The following ZNF738 variants were observed in gnomAD, a reference collection of about 807,000 sequenced individuals.
The protein encoded by ZNF738 is zinc finger protein 738.
In ZNF738, 10 loss-of-function variants were observed where a neutral mutation model predicts 9.2. The ratio of observed to expected loss-of-function variants is 1.09; its 90% confidence interval spans 0.67 to 1.85. The LOEUF is 1.85. Among genes scored for constraint, ZNF738 ranks in the 40% most tolerant of loss-of-function variants. ZNF738 has a pLI of 0.00. For synonymous variants in ZNF738, 113 were observed against 94.5 expected (o/e 1.20, Z -1.14); for missense variants, 346 against 283.6 (o/e 1.22, Z -1.58).
intron 2 of ZNF738, among the ~76,000 whole-genome samples, chr19:21,368,450 A>G (rs1209553965): frequency 6.6e-5 from 10 of 151,752 alleles, no homozygotes; most frequent in Admixed American, 1.3e-4. Context: ...TTGTTTTTTG[A>G]GACAAACTCT....
chr19:21,360,259 C>T (rs1973664686), intron 1 of ZNF738, among the ~76,000 whole-genome samples: 1 of 118,816 alleles, frequency 8.4e-6, no homozygotes, highest in African/African-American at 3.4e-5. Flanking sequence ...TATTTTCACA[C>T]TCCACAGGGA....
rs535799356 is a variant in ZNF738, at chr19:21,363,454, A to G, written c.96+1596A>G. Among the ~76,000 whole-genome samples the G allele has an allele frequency of 2.5e-4, 38 of 152,330 alleles. No homozygotes were observed. The South Asian group carries it at 7.9e-3, about 32-fold the overall frequency. On this transcript the variant is annotated intron_variant, in intron 2 of 4. Coordinates refer to ENST00000683779, the MANE Select transcript of ZNF738 (RefSeq NM_001355237.2). ...TGGAAGAAGCCTTTCTGATGAGAGA[A>G]GCTAGAGTCCTGGAAAGCTACAGGC...
intron 2 of ZNF738, among the ~76,000 whole-genome samples, chr19:21,365,809 T>C (rs1332628009): frequency 2.0e-5 from 3 of 151,854 alleles, no homozygotes; most frequent in African/African-American, 4.8e-5. Context: ...TACAAAAAAT[T>C]AGCCAGGCAT....
intron 2 of ZNF738, among the ~76,000 whole-genome samples, chr19:21,362,108 T>TAAC (rs895175143): frequency 1.9e-4 from 5 of 26,212 alleles, no homozygotes; most frequent in African/African-American, 2.5e-4. Context: ...ATAATAATAA[T>TAAC]AATAATAATA....
intron 2 of ZNF738, among the ~76,000 whole-genome samples, chr19:21,362,959 C>T (rs1973719322): frequency 6.6e-6 from 1 of 152,126 alleles, no homozygotes; most frequent in Middle Eastern, 3.2e-3. Flanking sequence ...ATGAAAACAT[C>T]AGTTCCTTTT....
At chr19:21,360,431 A>G (rs372100651) in intron 1 of ZNF738, 7 of 152,430 alleles carry the variant, frequency 4.6e-5, no homozygotes, top group African/African-American at 1.7e-4. Flanking sequence ...AATTCACATT[A>G]TCACGTATTT....
chr19:21,383,504 G>A lies in ZNF738; in HGVS notation c.958G>A (p.Gly320Arg), dbSNP rs1974031961. 1.2e-6 allele frequency: 1 copy of A among 855,858 alleles called. No homozygotes were observed. Among genetic ancestry groups the A allele is most frequent in the South Asian group, 1.3e-5 (1 of 75,966 alleles). The allele number at this position is 855,858 out of a possible 1,614,324, so 53.0% of individuals were successfully genotyped here. A position where few individuals can be genotyped will look rare whatever the true frequency, so the allele number is the denominator to read the frequency against. Residue 320 changes from glycine to arginine, a missense_variant, in exon 5 of 5, where the codon GGA (glycine) becomes AGA (arginine). Transcript: ENST00000683779. Reference sequence around the variant, plus strand: ...TGGAGAGAAACCCTACAAATGTGAAGGATGTGGCAAAGCTTTCTGCCAATT... The same window carrying A: ...TGGAGAGAAACCCTACAAATGTGAAAGATGTGGCAAAGCTTTCTGCCAATT... ...HAGEKPYKCE[G>R]CGKAFCQFSY...
chr19:21,382,600 A>G (rs1974019324), intron 4 of ZNF738, among the ~76,000 whole-genome samples: 1 of 152,180 alleles, frequency 6.6e-6, no homozygotes, highest in Admixed American at 6.5e-5. Flanking sequence ...GGGTAAGTGT[A>G]ACAAACTTTT....
At chr19:21,370,678 T>C (rs553647657) in intron 2 of ZNF738, among the ~76,000 whole-genome samples, 1 of 152,344 alleles carries the variant, frequency 6.6e-6, no homozygotes, top group South Asian at 2.1e-4. Context: ...TCTACTTATA[T>C]TCATGTTGCC....
At chr19:21,374,307 A>G (rs757935757) in intron 2 of ZNF738, among the ~76,000 whole-genome samples, 1 of 152,224 alleles carries the variant, frequency 6.6e-6, no homozygotes, top group Non-Finnish European at 1.5e-5. Flanking sequence ...ACTACTTTAA[A>G]TTGTTATTAA....
intron 2 of ZNF738, among the ~76,000 whole-genome samples, chr19:21,364,911 AATTTTT>A (rs2049678280): frequency 1.8e-5 from 1 of 55,602 alleles, no homozygotes; most frequent in Non-Finnish European, 3.5e-5. Flanking sequence ...ATACCCAGCT[AATTTTT>A]TTTTTTTTTT....
At chr19:21,361,098 G>A (rs1568365483) in intron 1 of ZNF738, among the ~76,000 whole-genome samples, 1 of 151,480 alleles carries the variant, frequency 6.6e-6, no homozygotes, top group African/African-American at 2.4e-5. Flanking sequence ...ACAGGCGTGA[G>A]CCACTGCGCC....
chr19:21,376,046 A>C lies in ZNF738; in HGVS notation c.319+82A>C, dbSNP rs116732226. On this transcript the variant is annotated intron_variant, in intron 4 of 4. Transcript: ENST00000683779. ...AAAAAAAAGCAGTCCCTATAATGTG[A>C]TTTGGGAAGCTGTGTTCCAAAGCAA... 3.6e-3 allele frequency: 2,153 copies of C among 590,492 alleles called. 24 individuals carry two copies. Among genetic ancestry groups the C allele is most frequent in the African/African-American group, 0.028 (1,465 of 51,932 alleles). The allele number at this position is 590,492 out of a possible 1,614,324, so 36.6% of individuals were successfully genotyped here. A position where few individuals can be genotyped will look rare whatever the true frequency, so the allele number is the denominator to read the frequency against.
chr19:21,375,147 A>AT (rs1568369278), intron 2 of ZNF738, 91 bp from the exon 3 acceptor site: 1 of 696,446 alleles, frequency 1.4e-6, no homozygotes, highest in East Asian at 2.8e-5. Context: ...GTCAGAACCA[A>AT]TTTTCTTTAC....
intron 2 of ZNF738, among the ~76,000 whole-genome samples, chr19:21,366,013 G>C (rs191181594): frequency 2.6e-4 from 40 of 151,984 alleles, no homozygotes; most frequent in Non-Finnish European, 5.1e-4. Context: ...TCTACACACA[G>C]AGTACAACTG....
intron 1 of ZNF738, among the ~76,000 whole-genome samples, chr19:21,360,197 A>G (rs1413964203): frequency 6.6e-6 from 1 of 152,186 alleles, no homozygotes; most frequent in African/African-American, 2.4e-5. Flanking sequence ...TTTAAATTGA[A>G]GTAGGAACCC....
chr19:21,359,014 C>G lies in ZNF738; in HGVS notation c.-127C>G. 1.3e-6 allele frequency: 1 copy of G among 764,820 alleles called. No individual in the cohort carries two copies. The highest frequency in any genetic ancestry group is 2.4e-6 in the Non-Finnish European group (1 of 416,240). The allele number at this position is 764,820 out of a possible 1,614,324, so 47.4% of individuals were successfully genotyped here. A position where few individuals can be genotyped will look rare whatever the true frequency, so the allele number is the denominator to read the frequency against. ...TCCGCTTCTTTGTCTTTGGCTGCCG[C>G]TGGAACTCCGGGTCTCGTCTTCACT... is the stretch of plus-strand genomic sequence containing the variant. On this transcript the variant is annotated 5_prime_UTR_variant, in exon 1 of 5. Coordinates refer to ENST00000683779, the MANE Select transcript of ZNF738 (RefSeq NM_001355237.2).
intron 4 of ZNF738, chr19:21,377,951 G>A (rs1599718520): frequency 2.5e-6 from 1 of 393,068 alleles, no homozygotes; most frequent in Non-Finnish European, 4.5e-6. Context: ...CTCTGTGGCT[G>A]TTTTATTTTT....
intron 2 of ZNF738, among the ~76,000 whole-genome samples, chr19:21,366,408 T>C (rs1196979381): frequency 6.6e-6 from 1 of 152,128 alleles, no homozygotes; most frequent in African/African-American, 2.4e-5. Context: ...TCCAACCTAA[T>C]CTCATCCTTT....
Sources: allele counts gnomAD v4.1 joint callset (sites outside exome capture counted in the v4.1 genomes callset), GRCh38; gene constraint gnomAD v4.1.1; transcripts MANE v1.5; gene names NCBI Gene and HGNC (gene_info 2026-07-23, HGNC 2026-07-21).